Variants in CTNND2 observed in about 807,000 individuals in gnomAD.
CTNND2 encodes the protein catenin delta 2.
In CTNND2, 22 loss-of-function variants were observed where a neutral mutation model predicts 144.4. The ratio of observed to expected loss-of-function variants is 0.15; its 90% CI spans 0.11 to 0.22. CTNND2 has a LOEUF of 0.22. Among genes scored for constraint, CTNND2 ranks in the 10% least tolerant of loss-of-function variants. CTNND2 has a pLI of 1.00. For synonymous variants in CTNND2, 751 were observed against 695.6 expected (o/e 1.08, Z -1.25); for missense variants, 1,353 against 1,618.8 (o/e 0.84, Z 2.82).
At chr5:11,805,479 T>C (rs1791941289) in intron 1 of CTNND2, among the ~76,000 whole-genome samples, 1 of 151,970 alleles carries the variant, frequency 6.6e-6, no homozygotes, top group Non-Finnish European at 1.5e-5. Context: ...ACATGTAAGA[T>C]GAGTTCAGAG....
At chr5:11,262,654 C>A (rs539529191) in intron 9 of CTNND2, among the ~76,000 whole-genome samples, 3 of 147,964 alleles carry the variant, frequency 2.0e-5, no homozygotes, top group Admixed American at 6.8e-5. Context: ...CCCAGCTACT[C>A]GGGAGGCTGA....
At chr5:11,752,614 G>A (rs193212935) in intron 1 of CTNND2, among the ~76,000 whole-genome samples, 2 of 151,468 alleles carry the variant, frequency 1.3e-5, no homozygotes, top group East Asian at 3.9e-4. Flanking sequence ...TTTAAAGTCA[G>A]GTAGTGCGAT....
intron 3 of CTNND2, among the ~76,000 whole-genome samples, chr5:11,471,336 A>G (rs189505576): frequency 1.3e-5 from 2 of 152,200 alleles, no homozygotes; most frequent in African/African-American, 4.8e-5. Flanking sequence ...TTTTCTTGTC[A>G]TACATACAGA....
At chr5:11,845,370 C>T (rs182020649) in intron 1 of CTNND2, among the ~76,000 whole-genome samples, 2 of 152,174 alleles carry the variant, frequency 1.3e-5, no homozygotes, top group African/African-American at 4.8e-5. Context: ...AAAATCATAG[C>T]ATCATAACCC....
intron 3 of CTNND2, among the ~76,000 whole-genome samples, chr5:11,456,316 CTTT>C (rs76539757): frequency 7.2e-6 from 1 of 139,742 alleles, no homozygotes. Context: ...CTTTTTGATG[CTTT>C]TTTTTTTTTT....
intron 1 of CTNND2, among the ~76,000 whole-genome samples, chr5:11,863,726 A>C (rs1379094072): frequency 6.6e-5 from 10 of 152,214 alleles, no homozygotes; most frequent in Admixed American, 3.3e-4. Context: ...ACTTCTGTCC[A>C]AACCAAATTT....
At chr5:11,543,616 T>TTA (rs1486317304) in intron 3 of CTNND2, among the ~76,000 whole-genome samples, 2 of 141,228 alleles carry the variant, frequency 1.4e-5, no homozygotes, top group Non-Finnish European at 3.0e-5. Flanking sequence ...GGCATATACA[T>TTA]TATATATCAG....
chr5:10,980,072 G>C (rs555587946), intron 21 of CTNND2, among the ~76,000 whole-genome samples: 37 of 152,266 alleles, frequency 2.4e-4, no homozygotes, highest in Middle Eastern at 3.4e-3. Flanking sequence ...ATTAAATTAA[G>C]AGCTCCTGCA....
chr5:10,979,572 A>C (rs1222503755), intron 21 of CTNND2, among the ~76,000 whole-genome samples: 2 of 152,226 alleles, frequency 1.3e-5, no homozygotes, highest in Non-Finnish European at 2.9e-5. Context: ...AGGGGGAACA[A>C]CTGTGTCTTT....
rs188399600 is a variant in CTNND2 at position 10,975,057 on chromosome 5, C to T, written c.3418-1344G>A. On this transcript the variant is annotated intron_variant, in intron 21 of 21. Coordinates refer to ENST00000304623, the MANE Select transcript of CTNND2 (RefSeq NM_001332.4). ...GTCCAAAAGTCCATAGAGGATAAACCTTTGTTAGCCTGAGAGCTAACAAAG... is the reference window on the plus strand; with the variant it reads ...GTCCAAAAGTCCATAGAGGATAAACTTTTGTTAGCCTGAGAGCTAACAAAG... Among the ~76,000 whole-genome samples the T allele has an allele frequency of 4.6e-5, 7 of 152,268 alleles. No individual in the cohort carries two copies. In the East Asian group the frequency reaches 5.8e-4, roughly 13 times the overall value.
intron 3 of CTNND2, among the ~76,000 whole-genome samples, chr5:11,534,112 C>T (rs998722122): frequency 1.3e-5 from 2 of 152,104 alleles, no homozygotes; most frequent in Admixed American, 6.5e-5. Flanking sequence ...AGCCTCCTAC[C>T]GTGTTTAGAT....
intron 11 of CTNND2, among the ~76,000 whole-genome samples, chr5:11,193,361 G>C (rs1178039905): frequency 6.6e-6 from 1 of 152,124 alleles, no homozygotes; most frequent in East Asian, 1.9e-4. Context: ...TTGATATTTG[G>C]TAGGGTTTAT....
chr5:11,429,737 G>T (rs1295882312), intron 3 of CTNND2, among the ~76,000 whole-genome samples: 2 of 152,124 alleles, frequency 1.3e-5, no homozygotes, highest in Non-Finnish European at 2.9e-5. Context: ...GTTTTGTATA[G>T]ATTTTCCAAA....
At chr5:11,840,335 G>C (rs899167039) in intron 1 of CTNND2, among the ~76,000 whole-genome samples, 2 of 152,144 alleles carry the variant, frequency 1.3e-5, no homozygotes, top group Non-Finnish European at 2.9e-5. Context: ...TTACTACTAT[G>C]TATTGAAGAT....
intron 9 of CTNND2, among the ~76,000 whole-genome samples, chr5:11,251,794 C>G (rs1055728480): frequency 6.6e-6 from 1 of 152,138 alleles, no homozygotes; most frequent in Non-Finnish European, 1.5e-5. Context: ...TTAAGTGACA[C>G]AGTAGCTAAG....
intron 5 of CTNND2, among the ~76,000 whole-genome samples, chr5:11,404,948 T>G (rs1192196328): frequency 1.3e-5 from 2 of 152,162 alleles, no homozygotes; most frequent in Non-Finnish European, 2.9e-5. Flanking sequence ...AATCCCTCAA[T>G]ACATCTTCAT....
intron 14 of CTNND2, among the ~76,000 whole-genome samples, chr5:11,102,737 A>G: frequency 6.6e-6 from 1 of 152,182 alleles, no homozygotes; most frequent in South Asian, 2.1e-4. Flanking sequence ...TTCCCAAGAT[A>G]GAAGGTTAAG....
chr5:11,314,690 G>A (rs951962155), intron 9 of CTNND2, among the ~76,000 whole-genome samples: 3 of 152,186 alleles, frequency 2.0e-5, no homozygotes, highest in Non-Finnish European at 4.4e-5. Flanking sequence ...TAAAATCAAA[G>A]AATCTTGCAT....
At chr5:11,064,968 A>T (rs12517244) in intron 16 of CTNND2, among the ~76,000 whole-genome samples, 29,430 of 152,154 alleles carry the variant, frequency 0.19, 3,398 homozygotes, top group Middle Eastern at 0.3. Flanking sequence ...TGGGTTACAG[A>T]TTAACCAGTT....
Sources: gnomAD v4.1 joint callset for allele counts (sites outside exome capture counted in the v4.1 genomes callset) on GRCh38, gnomAD v4.1.1 for gene constraint, MANE v1.5 for transcripts, NCBI Gene and HGNC (gene_info 2026-07-23, HGNC 2026-07-21) for gene names.